Variants in CDYL observed in about 807,000 individuals in gnomAD.
CDYL encodes the protein chromodomain Y like, also known as chromodomain Y-like protein.
Under a neutral mutation model 47.3 loss-of-function variants are expected in CDYL, and 8 were observed. That is an observed-to-expected ratio of 0.17 (90% CI 0.10 to 0.31). CDYL has a LOEUF of 0.31. CDYL is among the 10% of genes least tolerant of loss of function. The probability of loss-of-function intolerance (pLI) is 1.00; values close to 1 mark genes in which losing one functional copy is unlikely to be tolerated. For synonymous variants in CDYL, 266 were observed against 265.0 expected (o/e 1.00, Z -0.04); for missense variants, 471 against 701.4 (o/e 0.67, Z 3.71).
chr6:4,839,658 C>G (rs898831678), intron 1 of CDYL, among the ~76,000 whole-genome samples: 2 of 152,200 alleles, frequency 1.3e-5, no homozygotes, highest in Non-Finnish European at 2.9e-5. Context: ...TATCCCAGCA[C>G]CATTTGTTAA....
upstream of CDYL, among the ~76,000 whole-genome samples, chr6:4,776,185 C>T (rs1466237782): frequency 0.34 from 779 of 2,324 alleles, 15 homozygotes; most frequent in African/African-American, 0.45. Context: ...GGCCCCGCCC[C>T]CGACTGCCCC....
chr6:4,939,883 G>T (rs77476837), intron 4 of CDYL, among the ~76,000 whole-genome samples: 111 of 152,276 alleles, frequency 7.3e-4, no homozygotes, highest in Non-Finnish European at 2.1e-4. Flanking sequence ...TGGTAGCTCT[G>T]CGGTCATAAG....
intron 1 of CDYL, among the ~76,000 whole-genome samples, chr6:4,837,196 T>A (rs1205812200): frequency 3.3e-5 from 5 of 152,222 alleles, no homozygotes; most frequent in Non-Finnish European, 7.3e-5. Flanking sequence ...ACTAATTTGC[T>A]TCTGTGTACA....
intron 2 of CDYL, among the ~76,000 whole-genome samples, chr6:4,729,911 G>C (rs1218774709): frequency 6.6e-6 from 1 of 151,872 alleles, no homozygotes; most frequent in African/African-American, 2.4e-5. Context: ...AAGTGAGACT[G>C]TGTCTCAAAA....
At chr6:4,799,820 G>A (rs1324846299) in intron 1 of CDYL, among the ~76,000 whole-genome samples, 1 of 152,006 alleles carries the variant, frequency 6.6e-6, no homozygotes, top group East Asian at 1.9e-4. Flanking sequence ...TTCCAAATAC[G>A]ATTGTGCATT....
chr6:4,732,677 G>C (rs541240117), intron 2 of CDYL, among the ~76,000 whole-genome samples: 2 of 151,314 alleles, frequency 1.3e-5, no homozygotes, highest in Non-Finnish European at 2.9e-5. Flanking sequence ...AAAAAAAGAG[G>C]GGGGGATTGG....
At chr6:4,826,393 T>G (rs1050421189) in intron 1 of CDYL, among the ~76,000 whole-genome samples, 2 of 152,188 alleles carry the variant, frequency 1.3e-5, no homozygotes, top group Non-Finnish European at 2.9e-5. Context: ...TCTGGTACCT[T>G]CGGGTTTACT....
intron 1 of CDYL, among the ~76,000 whole-genome samples, chr6:4,848,710 G>T (rs138492795): frequency 2.0e-5 from 3 of 152,228 alleles, no homozygotes; most frequent in African/African-American, 7.2e-5. Flanking sequence ...AATGGCTTGC[G>T]TCTGAGTCTT....
chr6:4,846,535 G>A (rs1760664004), intron 1 of CDYL, among the ~76,000 whole-genome samples: 1 of 152,114 alleles, frequency 6.6e-6, no homozygotes, highest in Admixed American at 6.5e-5. Context: ...TTCCGTCAGA[G>A]TGCTGGAGAG....
intron 2 of CDYL, among the ~76,000 whole-genome samples, chr6:4,933,352 C>T (rs1758087609): frequency 6.6e-6 from 1 of 152,232 alleles, no homozygotes. Flanking sequence ...CTCGCCTCCT[C>T]CCTCAGCAAC....
rs1472732845 is a variant in CDYL, at chr6:4,923,879, T to TTG, written c.692-11636_692-11635insTG. 9.2e-4 allele frequency among the ~76,000 whole-genome samples: 118 copies of TTG among 127,896 alleles called. 1 individual carries two copies. Among genetic ancestry groups the TTG allele is most frequent in the Non-Finnish European group, 3.9e-4 (25 of 64,112 alleles). 83.9% of individuals were successfully genotyped at this position (127,896 alleles called of 152,430 possible). ...TCGCGCCACTGCACTCCAGCCTGGG[T>TTG]GACAGAGTGAGACTCCGTCTCAAAA... On this transcript the variant is annotated intron_variant, in intron 2 of 6. Transcript: ENST00000397588.
At chr6:4,742,227 G>A (rs933377972) in intron 3 of CDYL, among the ~76,000 whole-genome samples, 1 of 151,904 alleles carries the variant, frequency 6.6e-6, no homozygotes, top group African/African-American at 2.4e-5. Context: ...AATTAGCCAG[G>A]TGTGGTGGTG....
At chr6:4,944,406 CCAT>C (rs1758451480) in intron 5 of CDYL, among the ~76,000 whole-genome samples, 1 of 152,172 alleles carries the variant, frequency 6.6e-6, no homozygotes, top group South Asian at 2.1e-4. Context: ...GATACTATGC[CCAT>C]CATCCTTAGG....
chr6:4,825,863 AAAAG>A (rs1759967604), intron 1 of CDYL, among the ~76,000 whole-genome samples: 1 of 151,938 alleles, frequency 6.6e-6, no homozygotes, highest in Non-Finnish European at 1.5e-5. Context: ...AAAAAAAAAA[AAAAG>A]AGAGTCACCT....
At chr6:4,820,132 C>T (rs1759793639) in intron 1 of CDYL, among the ~76,000 whole-genome samples, 1 of 152,174 alleles carries the variant, frequency 6.6e-6, no homozygotes, top group Non-Finnish European at 1.5e-5. Flanking sequence ...GCACAGAGAG[C>T]TCTTAGAGCC....
At chr6:4,863,408 G>A (rs60650385) in intron 1 of CDYL, among the ~76,000 whole-genome samples, 5,158 of 151,952 alleles carry the variant, frequency 0.034, 303 homozygotes, top group African/African-American at 0.12. Flanking sequence ...CTCGCTTTTC[G>A]TGGCAAAAAT....
At chr6:4,755,884 T>A (rs775049030) in intron 3 of CDYL, among the ~76,000 whole-genome samples, 132 of 152,316 alleles carry the variant, frequency 8.7e-4, no homozygotes, top group Non-Finnish European at 8.1e-4. Flanking sequence ...AAAATTAAAT[T>A]ATTTTTATTT....
At chr6:4,812,389 C>T (rs1381451920) in intron 1 of CDYL, among the ~76,000 whole-genome samples, 1 of 152,174 alleles carries the variant, frequency 6.6e-6, no homozygotes, top group Non-Finnish European at 1.5e-5. Context: ...GCGGTGAACT[C>T]ACTCTAGGGC....
rs112118970 is a variant in CDYL, at chr6:4,824,774, A to G, written c.24+47967A>G. 5.9e-3 allele frequency among the ~76,000 whole-genome samples: 897 copies of G among 152,052 alleles called. 8 individuals carry two copies. The highest frequency in any genetic ancestry group is 0.021 in the African/African-American group (860 of 41,446). ...GTTCATCCTTTGGGTGACATATCCA[A>G]CTGTTTCTTTTTCAAGATTGTTTTG... On this transcript the variant is annotated intron_variant, in intron 1 of 6. Transcript: ENST00000397588.
Sources: gnomAD v4.1 joint callset for allele counts (sites outside exome capture counted in the v4.1 genomes callset) on GRCh38, gnomAD v4.1.1 for gene constraint, MANE v1.5 for transcripts, NCBI Gene and HGNC (gene_info 2026-07-23, HGNC 2026-07-21) for gene names.